The following EXOC6 variants were observed in gnomAD, a reference collection of about 807,000 sequenced individuals.
The protein encoded by EXOC6 is SEC15-like 1.
Under a neutral mutation model 112.5 loss-of-function variants are expected in EXOC6, and 60 were observed. The observed-to-expected ratio is 0.53, with a 90% confidence interval of 0.43 to 0.66. EXOC6 has a LOEUF of 0.66. Ranked by LOEUF, EXOC6 falls within the 30% of genes least tolerant of loss-of-function variation. EXOC6 has a pLI of 0.00. For missense variants in EXOC6, 855 were observed against 957.1 expected (o/e 0.89, Z 1.41); for synonymous variants, 295 against 308.0 (o/e 0.96, Z 0.44).
chr10:92,948,254 C>A lies in EXOC6; in HGVS notation c.1311-20C>A, dbSNP rs1223105075. ...AATATGCTTTGTAATGATAAGTTTT[C>A]AATTTTCCTTTCCTAACAGGGACAT... is the stretch of plus-strand genomic sequence containing the variant. On this transcript the variant is annotated intron_variant, in intron 13 of 21. Coordinates refer to ENST00000260762, the MANE Select transcript of EXOC6 (RefSeq NM_019053.6). 6.7e-7 allele frequency: 1 copy of A among 1,491,802 alleles called. No individual in the cohort carries two copies. The highest frequency in any genetic ancestry group is 2.3e-5 in the East Asian group (1 of 43,926). The allele number at this position is 1,491,802 out of a possible 1,614,324, so 92.4% of individuals were successfully genotyped here.
chr10:92,930,618 C>T (rs1248573026), intron 9 of EXOC6, among the ~76,000 whole-genome samples: 2 of 152,000 alleles, frequency 1.3e-5, no homozygotes, highest in African/African-American at 4.8e-5. Flanking sequence ...TGACTCACTT[C>T]TTTCAACAAT....
intron 1 of EXOC6, among the ~76,000 whole-genome samples, chr10:92,885,461 C>T (rs1849167270): frequency 6.6e-6 from 1 of 151,562 alleles, no homozygotes; most frequent in Non-Finnish European, 1.5e-5. Context: ...CTCACTGCAA[C>T]CTCTGCTTTC....
chr10:92,831,431 T>A (rs1846475887), upstream of EXOC6: 2 of 862,382 alleles, frequency 2.3e-6, no homozygotes, highest in East Asian at 1.4e-4. Context: ...ATATTCTATT[T>A]TTTTTTTATT....
chr10:92,994,093 A>G (rs1843377859), intron 18 of EXOC6, among the ~76,000 whole-genome samples: 1 of 152,248 alleles, frequency 6.6e-6, no homozygotes, highest in Non-Finnish European at 1.5e-5. Flanking sequence ...GTGGCTCAAT[A>G]CAAAACAAAT....
chr10:92,992,162 G>A (rs994095264), intron 18 of EXOC6, among the ~76,000 whole-genome samples: 6 of 151,790 alleles, frequency 4.0e-5, no homozygotes, highest in African/African-American at 1.2e-4. Context: ...GATGGCAGAT[G>A]CCTGTAATCC....
chr10:92,962,382 A>AATAT, intron 17 of EXOC6, among the ~76,000 whole-genome samples: 1 of 151,328 alleles, frequency 6.6e-6, no homozygotes, highest in East Asian at 1.9e-4. Flanking sequence ...AAATGTTAAA[A>AATAT]ATATATATAT....
chr10:92,888,950 A>G (rs553883788), intron 1 of EXOC6, among the ~76,000 whole-genome samples: 4 of 152,196 alleles, frequency 2.6e-5, no homozygotes, highest in Admixed American at 2.0e-4. Context: ...TATCATTTCT[A>G]TACTGTTTAC....
intron 4 of EXOC6, among the ~76,000 whole-genome samples, chr10:92,898,468 A>G (rs1849957702): frequency 6.6e-6 from 1 of 151,082 alleles, no homozygotes; most frequent in African/African-American, 2.4e-5. Context: ...CAATGCATTT[A>G]TTTTCCTGGT....
intron 20 of EXOC6, among the ~76,000 whole-genome samples, chr10:93,041,543 T>C (rs1045898613): frequency 6.6e-6 from 1 of 150,950 alleles, no homozygotes; most frequent in African/African-American, 2.4e-5. Context: ...CCCAAGTAGC[T>C]GGGGTTACAG....
At chr10:92,884,053 C>G (rs1437606724) in intron 1 of EXOC6, among the ~76,000 whole-genome samples, 1 of 152,060 alleles carries the variant, frequency 6.6e-6, no homozygotes, top group Non-Finnish European at 1.5e-5. Flanking sequence ...TGTGCTACCA[C>G]AACTGGCTAA....
intron 8 of EXOC6, among the ~76,000 whole-genome samples, chr10:92,925,839 T>TG (rs1384112933): frequency 6.6e-6 from 1 of 151,392 alleles, no homozygotes; most frequent in Admixed American, 6.6e-5. Context: ...AAAAAAAAAA[T>TG]TTTTTTTAAA....
chr10:92,853,794 T>C (rs2133640259), intron 1 of EXOC6, among the ~76,000 whole-genome samples: 1 of 152,038 alleles, frequency 6.6e-6, no homozygotes. Context: ...CTAGAAAACA[T>C]AGGAGGAAAT....
chr10:92,997,429 A>G (rs757944424), intron 18 of EXOC6, 45 bp from the exon 19 acceptor site: 19 of 1,554,772 alleles, frequency 1.2e-5, no homozygotes, highest in Middle Eastern at 1.7e-4. Context: ...ATGTATTTCT[A>G]TGTGTGTTTA....
In EXOC6 at chr10:92,909,554, T is replaced by C. The variant is rs772110334; in HGVS notation, c.586T>C (p.Ser196Pro). Residue 196 changes from serine (S) to proline (P), a missense_variant, in exon 6 of 22, where the codon TCC becomes CCC. Ser to Pro is a moderately conservative substitution (Grantham distance 74, BLOSUM62 -1). Around this residue, in one of 2 missense-constraint regions of EXOC6, gnomAD observed 405 missense variants for 393.6 expected, o/e 1.03. Transcript: ENST00000260762. ...ACTCCGTGAGGATATTAAAGAAATC[T>C]CCATGTCTGATCTCAAAGACTTTTT... ...PKLREDIKEISMSDLKDFLES... is the reference protein window; with the variant it reads ...PKLREDIKEIPMSDLKDFLES... 1 of 1,613,416 alleles carries C rather than the reference T, an allele frequency of 6.2e-7. No individual in the cohort carries two copies. Among genetic ancestry groups the C allele is most frequent in the Non-Finnish European group, 8.5e-7 (1 of 1,179,540 alleles).
intron 19 of EXOC6, among the ~76,000 whole-genome samples, chr10:93,000,860 A>C (rs1021143441): frequency 6.6e-6 from 1 of 152,208 alleles, no homozygotes; most frequent in Non-Finnish European, 1.5e-5. Context: ...GGTGCAAAAA[A>C]ACCATCCACC....
intron 20 of EXOC6, 57 bp downstream of exon 20, chr10:93,014,324 A>G (rs1590042474): frequency 2.3e-6 from 3 of 1,319,356 alleles, no homozygotes; most frequent in Non-Finnish European, 3.2e-6. Context: ...CCCTCCCCTC[A>G]CTTTTTTTTT....
At chr10:92,834,895 A>G (rs2075862230) in intron 1 of EXOC6, 5 of 847,864 alleles carry the variant, frequency 5.9e-6, no homozygotes, top group Non-Finnish European at 9.4e-6. Flanking sequence ...TGCTTTTTAT[A>G]ATTCTTTATA....
chr10:92,910,691 G>C (rs1221759644), intron 6 of EXOC6, among the ~76,000 whole-genome samples: 2 of 152,174 alleles, frequency 1.3e-5, no homozygotes, highest in African/African-American at 4.8e-5. Flanking sequence ...AGCACTTTGG[G>C]AGGCAAGGCG....
At chr10:92,961,541 G>A (rs956851615) in intron 17 of EXOC6, among the ~76,000 whole-genome samples, 1 of 152,020 alleles carries the variant, frequency 6.6e-6, no homozygotes, top group East Asian at 1.9e-4. Context: ...AGGTCCCTTC[G>A]TAAATAGAAC....
Sources: allele counts gnomAD v4.1 joint callset (sites outside exome capture counted in the v4.1 genomes callset), GRCh38; gene constraint gnomAD v4.1.1; regional missense constraint gnomAD v4.1.1; transcripts MANE v1.5; gene names NCBI Gene and HGNC (gene_info 2026-07-23, HGNC 2026-07-21).